Variants in KDM1A observed in about 807,000 individuals in gnomAD.
The protein encoded by KDM1A is lysine-specific histone demethylase 1A.
In KDM1A, 49 loss-of-function variants were observed where a neutral mutation model predicts 109.4. The ratio of observed to expected loss-of-function variants is 0.45; its 90% CI spans 0.36 to 0.57. The LOEUF (loss-of-function observed/expected upper bound fraction) is 0.57. Among genes scored for constraint, KDM1A ranks in the 20% least tolerant of loss-of-function variants. KDM1A has a pLI of 0.00. For missense variants in KDM1A, 668 were observed against 1,116.6 expected (o/e 0.60, Z 5.73); for synonymous variants, 380 against 415.4 (o/e 0.91, Z 1.04).
intron 11 of KDM1A, among the ~76,000 whole-genome samples, 171 bp from the exon 12 acceptor site, chr1:23,068,890 T>C (rs1324891770): frequency 2.0e-5 from 3 of 152,242 alleles, no homozygotes; most frequent in Non-Finnish European, 4.4e-5. Flanking sequence ...TTTTATGGTA[T>C]TATACTATAT....
At chr1:23,040,707 G>A (rs1049730231) in intron 2 of KDM1A, among the ~76,000 whole-genome samples, 3 of 152,070 alleles carry the variant, frequency 2.0e-5, no homozygotes, top group Admixed American at 2.0e-4. Context: ...AGGATCCCTT[G>A]AGCTCAGGAG....
intron 1 of KDM1A, among the ~76,000 whole-genome samples, chr1:23,021,829 A>G (rs1641640706): frequency 2.0e-5 from 3 of 152,220 alleles, no homozygotes; most frequent in African/African-American, 4.8e-5. Context: ...CTGTATCATT[A>G]GCAGTCACTC....
chr1:23,038,109 G>T (rs1642201645), intron 2 of KDM1A, among the ~76,000 whole-genome samples: 1 of 152,072 alleles, frequency 6.6e-6, no homozygotes, highest in African/African-American at 2.4e-5. Context: ...AGGGTGGATT[G>T]GTGTTTTATT....
intron 1 of KDM1A, among the ~76,000 whole-genome samples, chr1:23,022,083 TG>T (rs1641650049): frequency 6.6e-6 from 1 of 152,216 alleles, no homozygotes. Context: ...TGACGCACAT[TG>T]GGGTTTGTTT....
At chr1:23,032,671 TA>T (rs1033064537) in intron 2 of KDM1A, among the ~76,000 whole-genome samples, 2 of 152,210 alleles carry the variant, frequency 1.3e-5, no homozygotes, top group African/African-American at 4.8e-5. Flanking sequence ...ATTAGGGATG[TA>T]CTTTCCCTAG....
At chr1:23,040,519 G>A (rs567943889) in intron 2 of KDM1A, among the ~76,000 whole-genome samples, 65 of 152,184 alleles carry the variant, frequency 4.3e-4, no homozygotes, top group African/African-American at 1.5e-3. Context: ...ACTTTAGGCC[G>A]ATTGTGGTGG....
Position 23,019,961 on chromosome 1 carries a change from C to T in KDM1A, c.351+14C>T, listed in dbSNP as rs763554251. The T allele has an allele frequency of 2.6e-6, 4 of 1,515,854 alleles. No individual in the cohort carries two copies. The highest frequency in any genetic ancestry group is 1.3e-5 in the South Asian group (1 of 79,148). The allele number at this position is 1,515,854 out of a possible 1,614,324, so 93.9% of individuals were successfully genotyped here. On this transcript the variant is annotated intron_variant, in intron 1 of 20. Transcript: ENST00000400181. Reference sequence around the variant, plus strand: ...AAGCGGGCGAAGGTAAGGCTCGACCCTTCCCTCAAACGACACCGCCTGGTG... The same window carrying T: ...AAGCGGGCGAAGGTAAGGCTCGACCTTTCCCTCAAACGACACCGCCTGGTG...
chr1:23,030,225 G>A (rs554651595), intron 1 of KDM1A, among the ~76,000 whole-genome samples: 7 of 152,322 alleles, frequency 4.6e-5, no homozygotes, highest in African/African-American at 1.7e-4. Flanking sequence ...TAGAGTCAAT[G>A]ATTTGAATGT....
intron 16 of KDM1A, among the ~76,000 whole-genome samples, chr1:23,078,440 A>G (rs112774629): frequency 3.6e-4 from 55 of 152,312 alleles, no homozygotes; most frequent in African/African-American, 1.3e-3. Flanking sequence ...ATGTTAACAT[A>G]ATTTCAGTAC....
chr1:23,036,882 C>T (rs1325553678), intron 2 of KDM1A, among the ~76,000 whole-genome samples: 1 of 152,108 alleles, frequency 6.6e-6, no homozygotes, highest in Admixed American at 6.5e-5. Context: ...TCCTCATTGA[C>T]TTTATTCTAC....
At chr1:23,035,474 T>A (rs1009235973) in intron 2 of KDM1A, among the ~76,000 whole-genome samples, 2 of 152,164 alleles carry the variant, frequency 1.3e-5, no homozygotes, top group Non-Finnish European at 2.9e-5. Context: ...AGTGCTGGGA[T>A]TACAGGTGTG....
intron 7 of KDM1A, among the ~76,000 whole-genome samples, 156 bp downstream of exon 7, chr1:23,056,194 A>G (rs539157393): frequency 6.6e-6 from 1 of 152,246 alleles, no homozygotes; most frequent in East Asian, 1.9e-4. Flanking sequence ...TATTTTTAAA[A>G]AGCTTTTTTT....
chr1:23,078,072 T>C (rs996367022), intron 16 of KDM1A, among the ~76,000 whole-genome samples: 1 of 152,234 alleles, frequency 6.6e-6, no homozygotes, highest in East Asian at 1.9e-4. Context: ...TGTATGACTA[T>C]GTAGGCATGA....
chr1:23,074,054 A>G (rs761873045), intron 15 of KDM1A, among the ~76,000 whole-genome samples: 18 of 152,192 alleles, frequency 1.2e-4, no homozygotes, highest in Middle Eastern at 3.2e-3. Context: ...CTTCCAAACT[A>G]TTTTCCAAAT....
At position 23,079,211 on chromosome 1, in the gene KDM1A, T is replaced by C. The variant is rs1355125502; in HGVS notation, c.2055+34T>C. On this transcript the variant is annotated intron_variant, in intron 17 of 20. Coordinates refer to ENST00000400181, the MANE Select transcript of KDM1A (RefSeq NM_001009999.3). This position sits in a 1 kb window ranked among gnomAD's most constrained non-coding sequence, Gnocchi z 5.6. ...CCCTAGACACTCCTGTCTACAGATC[T>C]GATGTACAAATAGCAGTCTTCGTTG... 7.5e-6 allele frequency: 12 copies of C among 1,594,812 alleles called. No homozygotes were observed. Among genetic ancestry groups the C allele is most frequent in the Non-Finnish European group, 9.4e-6 (11 of 1,168,698 alleles).
chr1:23,081,588 G>C lies in KDM1A; in HGVS notation c.2298+15G>C. 1 of 1,613,914 alleles carries C rather than the reference G, an allele frequency of 6.2e-7. No homozygotes were observed. The highest frequency in any genetic ancestry group is 8.5e-7 in the Non-Finnish European group (1 of 1,179,866). On this transcript the variant is annotated intron_variant, in intron 19 of 20. Coordinates refer to ENST00000400181, the MANE Select transcript of KDM1A (RefSeq NM_001009999.3). Reference sequence around the variant, plus strand: ...CAGTACCTCAGGTAAGTAGGTAGGTGGGGCAAGGAGGGATCTAGGGTTCAG... The same window carrying C: ...CAGTACCTCAGGTAAGTAGGTAGGTCGGGCAAGGAGGGATCTAGGGTTCAG...
chr1:23,031,532 G>C (rs1641980122), intron 2 of KDM1A, among the ~76,000 whole-genome samples: 1 of 151,916 alleles, frequency 6.6e-6, no homozygotes, highest in African/African-American at 2.4e-5. Flanking sequence ...TAGGTACCCA[G>C]ATTAAGACAT....
intron 2 of KDM1A, among the ~76,000 whole-genome samples, chr1:23,033,302 A>T (rs767946060): frequency 3.3e-5 from 5 of 152,158 alleles, no homozygotes; most frequent in Non-Finnish European, 7.4e-5. Flanking sequence ...CAAGCGGATC[A>T]CCTGAGGTCA....
intron 18 of KDM1A, chr1:23,081,217 C>A: frequency 2.1e-6 from 1 of 485,406 alleles, no homozygotes; most frequent in South Asian, 3.1e-5. Context: ...AGTGAGGTGC[C>A]TGAGAATCTT....
Sources: allele counts gnomAD v4.1 joint callset (sites outside exome capture counted in the v4.1 genomes callset), GRCh38; gene constraint gnomAD v4.1.1; non-coding constraint Gnocchi (gnomAD v3.1); transcripts MANE v1.5; gene names NCBI Gene and HGNC (gene_info 2026-07-23, HGNC 2026-07-21).